The following TTC27 variants were observed in gnomAD, a reference collection of about 807,000 sequenced individuals.
The protein encoded by TTC27 is tetratricopeptide repeat protein 27.
Under a neutral mutation model 115.9 loss-of-function variants are expected in TTC27, and 79 were observed. The observed-to-expected ratio is 0.68, with a 90% CI of 0.57 to 0.82. The LOEUF (loss-of-function observed/expected upper bound fraction) is 0.82. Among genes scored for constraint, TTC27 ranks in the 40% least tolerant of loss-of-function variants. TTC27 has a pLI of 0.00. For missense variants in TTC27, 1,054 were observed against 993.1 expected, an observed-to-expected ratio of 1.06 and a Z score of -0.82; for synonymous variants, 401 against 356.0, an observed-to-expected ratio of 1.13 and a Z score of -1.42.
chr2:32,678,466 T>C (rs1166010177), intron 8 of TTC27, among the ~76,000 whole-genome samples: 1 of 152,012 alleles, frequency 6.6e-6, no homozygotes, highest in African/African-American at 2.4e-5. Context: ...CTCGCTCTGT[T>C]GCCCAGGCTG....
At chr2:32,726,083 C>G (rs1230204641) in intron 10 of TTC27, among the ~76,000 whole-genome samples, 2 of 151,884 alleles carry the variant, frequency 1.3e-5, no homozygotes, top group African/African-American at 2.4e-5. Flanking sequence ...GGGCCCGGCC[C>G]ACAAAACCAC....
intron 16 of TTC27, among the ~76,000 whole-genome samples, chr2:32,802,659 T>C (rs1670993397): frequency 1.3e-5 from 2 of 152,304 alleles, no homozygotes; most frequent in Admixed American, 6.5e-5. Context: ...TTCTTCTCCG[T>C]TGGCTTCCAG....
chr2:32,721,224 G>C (rs893811297), intron 10 of TTC27, among the ~76,000 whole-genome samples: 1 of 152,158 alleles, frequency 6.6e-6, no homozygotes, highest in African/African-American at 2.4e-5. Context: ...TTGACCTTCT[G>C]TCTCAGTAAA....
intron 13 of TTC27, among the ~76,000 whole-genome samples, chr2:32,764,108 A>T (rs1669541145): frequency 6.8e-6 from 1 of 146,560 alleles, no homozygotes; most frequent in Non-Finnish European, 1.5e-5. Context: ...CCCACTTAAC[A>T]CACATACAGT....
Position 32,819,815 on chromosome 2 carries a change from T to C in TTC27, c.2410-1001T>C, listed in dbSNP as rs138332363. Among the ~76,000 whole-genome samples the C allele has an allele frequency of 4.2e-3, 635 of 152,328 alleles. 6 individuals carry two copies. The highest frequency in any genetic ancestry group is 0.014 in the African/African-American group (596 of 41,570). ...AACAGATTTGACCCCTTACAGTCTT[T>C]GGGACTCTCAGCAAATTATTCACTT... is the stretch of plus-strand genomic sequence containing the variant. On this transcript the variant is annotated intron_variant, in intron 19 of 19. Coordinates refer to ENST00000317907, the MANE Select transcript of TTC27 (RefSeq NM_017735.5).
At chr2:32,781,825 T>A (rs1373898842) in intron 14 of TTC27, among the ~76,000 whole-genome samples, 1 of 152,198 alleles carries the variant, frequency 6.6e-6, no homozygotes, top group Non-Finnish European at 1.5e-5. Context: ...ACTCTCCAGT[T>A]TTGCTAGTTT....
intron 10 of TTC27, among the ~76,000 whole-genome samples, chr2:32,728,336 C>T (rs931918302): frequency 3.3e-5 from 5 of 152,112 alleles, no homozygotes; most frequent in Admixed American, 6.5e-5. Context: ...CCACCGCGCC[C>T]GGCCAGGACT....
intron 10 of TTC27, among the ~76,000 whole-genome samples, chr2:32,716,487 T>A (rs1375388392): frequency 6.6e-6 from 1 of 152,222 alleles, no homozygotes; most frequent in Admixed American, 6.5e-5. Context: ...GTTTCCATTA[T>A]AACTTTAAAT....
chr2:32,781,620 A>T (rs1670181858), intron 14 of TTC27, among the ~76,000 whole-genome samples: 1 of 152,134 alleles, frequency 6.6e-6, no homozygotes, highest in Non-Finnish European at 1.5e-5. Context: ...TTTAAAAAAA[A>T]AAATCAATGG....
chr2:32,681,236 T>C (rs1053776248), intron 9 of TTC27, among the ~76,000 whole-genome samples: 3 of 152,206 alleles, frequency 2.0e-5, no homozygotes, highest in Admixed American at 6.5e-5. Flanking sequence ...GAAACTTCTA[T>C]GTGAGGAGGA....
intron 18 of TTC27, among the ~76,000 whole-genome samples, chr2:32,814,355 C>T (rs1671420416): frequency 1.3e-5 from 2 of 152,234 alleles, no homozygotes; most frequent in South Asian, 4.1e-4. Context: ...TCTCCTCTGA[C>T]ATCATTGAAT....
chr2:32,635,058 A>G (rs910420814), intron 3 of TTC27, among the ~76,000 whole-genome samples: 34 of 152,168 alleles, frequency 2.2e-4, no homozygotes, highest in African/African-American at 7.5e-4. Context: ...TTTCTGGCAC[A>G]GCATTGCTTC....
intron 9 of TTC27, among the ~76,000 whole-genome samples, chr2:32,693,584 A>G (rs1666886174): frequency 6.6e-6 from 1 of 152,224 alleles, no homozygotes; most frequent in Admixed American, 6.5e-5. Flanking sequence ...TGGAGTTGTA[A>G]AACAGTGAGA....
At chr2:32,675,630 C>T (rs1319708145) in intron 8 of TTC27, among the ~76,000 whole-genome samples, 1 of 152,102 alleles carries the variant, frequency 6.6e-6, no homozygotes, top group Non-Finnish European at 1.5e-5. Context: ...TTATGATTTG[C>T]ATGTACTAAG....
intron 7 of TTC27, among the ~76,000 whole-genome samples, chr2:32,669,844 C>T (rs1159927979): frequency 1.5e-5 from 2 of 137,918 alleles, no homozygotes; most frequent in African/African-American, 5.4e-5. Context: ...CGAGATCATG[C>T]TACTGCACTC....
chr2:32,641,546 C>A (rs1246734121), intron 4 of TTC27, among the ~76,000 whole-genome samples: 3 of 152,232 alleles, frequency 2.0e-5, no homozygotes, highest in Non-Finnish European at 4.4e-5. Flanking sequence ...ACAGGCTGTG[C>A]CTGGCTGACC....
At chr2:32,750,443 G>A (rs1461109588) in intron 12 of TTC27, among the ~76,000 whole-genome samples, 1 of 152,154 alleles carries the variant, frequency 6.6e-6, no homozygotes, top group African/African-American at 2.4e-5. Flanking sequence ...TCCTTGATAG[G>A]TTCTCCTATG....
intron 4 of TTC27, among the ~76,000 whole-genome samples, chr2:32,646,171 G>A (rs1298860156): frequency 2.0e-5 from 3 of 151,978 alleles, no homozygotes; most frequent in East Asian, 1.9e-4. Context: ...TGGGACTACA[G>A]GCGCCCACCA....
At chr2:32,755,357 G>T (rs556653193) in intron 12 of TTC27, among the ~76,000 whole-genome samples, 2 of 152,334 alleles carry the variant, frequency 1.3e-5, no homozygotes, top group Non-Finnish European at 2.9e-5. Context: ...AAGGCTGGCG[G>T]ATCACTCGCG....
Sources: gnomAD v4.1 joint callset for allele counts (sites outside exome capture counted in the v4.1 genomes callset) on GRCh38, gnomAD v4.1.1 for gene constraint, MANE v1.5 for transcripts, NCBI Gene and HGNC (gene_info 2026-07-23, HGNC 2026-07-21) for gene names.